Variants in FBXO11 observed in about 807,000 individuals in gnomAD.
The protein encoded by FBXO11 is F-box protein 11.
A neutral mutation model predicts 117.0 loss-of-function variants in FBXO11; 13 were observed. The ratio of observed to expected loss-of-function variants is 0.11; its 90% CI spans 0.07 to 0.18. The LOEUF (loss-of-function observed/expected upper bound fraction) is 0.18. Ranked by LOEUF, FBXO11 falls within the 10% of genes least tolerant of loss-of-function variation. The probability of loss-of-function intolerance (pLI) is 1.00; values close to 1 mark genes in which losing one functional copy is unlikely to be tolerated. For synonymous variants in FBXO11, 490 were observed against 380.5 expected (o/e 1.29, Z -3.35); for missense variants, 767 against 1,164.4 (o/e 0.66, Z 4.97).
At position 47,859,914 on chromosome 2, in the gene FBXO11, C is replaced by T. The variant is rs1389306516; in HGVS notation, c.233-20145G>A. 2.0e-5 allele frequency among the ~76,000 whole-genome samples: 3 copies of T among 152,098 alleles called. No homozygotes were observed. In the East Asian group the frequency reaches 5.8e-4, roughly 29 times the overall value. ...AAGCTATTTTCTAGAATAAGTTATC[C>T]TAAATGCTTAGTTTGAGATTCTCAT... On this transcript the variant is annotated intron_variant, in intron 1 of 22. Transcript: ENST00000403359.
chr2:47,866,514 G>A lies in FBXO11; in HGVS notation c.233-26745C>T, dbSNP rs547527865. ...TTTTGAGACGGAGTCTTGCTCTGTC[G>A]CCAGGCTGGAGTACAGTGGCGTGAT... On this transcript the variant is annotated intron_variant, in intron 1 of 22. Transcript: ENST00000403359. 5.4e-5 allele frequency among the ~76,000 whole-genome samples: 8 copies of A among 149,284 alleles called. No homozygotes were observed. In the South Asian group the frequency reaches 1.1e-3, roughly 20 times the overall value.
At chr2:47,875,228 G>T (rs1049071000) in intron 1 of FBXO11, among the ~76,000 whole-genome samples, 1 of 151,962 alleles carries the variant, frequency 6.6e-6, no homozygotes, top group Admixed American at 6.6e-5. Flanking sequence ...CCTTAAAAGT[G>T]TGATGAGGAA....
chr2:47,902,594 C>A (rs752090753), intron 1 of FBXO11, among the ~76,000 whole-genome samples: 1 of 151,924 alleles, frequency 6.6e-6, no homozygotes, highest in Non-Finnish European at 1.5e-5. Flanking sequence ...CACATACACA[C>A]GTGTGTATGT....
chr2:47,830,573 G>T (rs916005917), intron 11 of FBXO11, among the ~76,000 whole-genome samples: 11 of 152,240 alleles, frequency 7.2e-5, no homozygotes, highest in Non-Finnish European at 1.2e-4. Context: ...TGATGGGGTG[G>T]AGATAGATTG....
chr2:47,901,551 A>T (rs1678303292), intron 1 of FBXO11, among the ~76,000 whole-genome samples: 1 of 152,142 alleles, frequency 6.6e-6, no homozygotes, highest in South Asian at 2.1e-4. Flanking sequence ...GGGACTTCTG[A>T]ATTTTAAACT....
chr2:47,898,615 T>G (rs1269796023), intron 1 of FBXO11, among the ~76,000 whole-genome samples: 3 of 152,194 alleles, frequency 2.0e-5, no homozygotes, highest in Non-Finnish European at 2.9e-5. Flanking sequence ...GGTCAATCAG[T>G]AGAGTCTCAT....
At chr2:47,890,485 G>C (rs1043780747) in intron 1 of FBXO11, among the ~76,000 whole-genome samples, 1 of 152,056 alleles carries the variant, frequency 6.6e-6, no homozygotes, top group South Asian at 2.1e-4. Flanking sequence ...CAATCAAGTA[G>C]TATGAGTTCA....
intron 16 of FBXO11, 80 bp downstream of exon 16, chr2:47,818,699 A>C: frequency 1.1e-6 from 1 of 903,612 alleles, no homozygotes; most frequent in South Asian, 1.7e-5. Context: ...TTGGGCATTA[A>C]ACAATAAGCA....
chr2:47,851,321 G>C (rs962731871), intron 1 of FBXO11, among the ~76,000 whole-genome samples: 24 of 152,208 alleles, frequency 1.6e-4, no homozygotes, highest in African/African-American at 5.8e-4. Flanking sequence ...CTGCCTGCCA[G>C]GTTCAAGCGA....
At chr2:47,879,994 GAGA>G (rs560664743) in intron 1 of FBXO11, among the ~76,000 whole-genome samples, 2 of 151,446 alleles carry the variant, frequency 1.3e-5, no homozygotes, top group East Asian at 3.9e-4. Flanking sequence ...TATCCATTCA[GAGA>G]AGGTTTTTTT....
At chr2:47,823,985 AC>A (rs1229537545) in intron 11 of FBXO11, among the ~76,000 whole-genome samples, 1 of 152,102 alleles carries the variant, frequency 6.6e-6, no homozygotes, top group Non-Finnish European at 1.5e-5. Context: ...AAAGGCACAC[AC>A]CACCATGCCT....
chr2:47,904,548 C>T (rs1393905584), intron 1 of FBXO11, among the ~76,000 whole-genome samples: 1 of 151,730 alleles, frequency 6.6e-6, no homozygotes, highest in Non-Finnish European at 1.5e-5. Flanking sequence ...TTCACTAGGC[C>T]TTGGACACAA....
At chr2:47,886,106 G>A (rs1221503225) in intron 1 of FBXO11, among the ~76,000 whole-genome samples, 3 of 150,780 alleles carry the variant, frequency 2.0e-5, no homozygotes, top group Admixed American at 6.6e-5. Context: ...ATATCCCTCC[G>A]AATCATCAAA....
intron 1 of FBXO11, among the ~76,000 whole-genome samples, chr2:47,887,485 T>C (rs1676948910): frequency 6.6e-6 from 1 of 152,104 alleles, no homozygotes. Flanking sequence ...CCCAGCACTT[T>C]GTGAGGCTGA....
rs996696086 is a variant in FBXO11 at position 47,826,284 on chromosome 2, C to A, written c.1399-2924G>T. On this transcript the variant is annotated intron_variant, in intron 11 of 22. Coordinates refer to ENST00000403359, the MANE Select transcript of FBXO11 (RefSeq NM_001190274.2). ...ATGTCAGCCAGGATGGTCTCGATCT[C>A]CTAACCTCGTGATCCACCCGCCTCG... Among the ~76,000 whole-genome samples, 11 of 152,018 alleles carry A rather than the reference C, an allele frequency of 7.2e-5. No homozygotes were observed. In the East Asian group the frequency reaches 2.1e-3, roughly 29 times the overall value.
chr2:47,896,491 C>G lies in FBXO11; in HGVS notation c.232+8998G>C, dbSNP rs116793093. 3.6e-3 allele frequency among the ~76,000 whole-genome samples: 551 copies of G among 152,192 alleles called. 4 individuals carry two copies. Among genetic ancestry groups the G allele is most frequent in the African/African-American group, 0.012 (517 of 41,532 alleles). On this transcript the variant is annotated intron_variant, in intron 1 of 22. Transcript: ENST00000403359. Reference sequence around the variant, plus strand: ...ACTACAGGCATGGGCCACCACCCCACAGCTAACTTTGTATTTTCTGTAGAG... The same window carrying G: ...ACTACAGGCATGGGCCACCACCCCAGAGCTAACTTTGTATTTTCTGTAGAG...
chr2:47,885,152 G>C (rs1200461171), intron 1 of FBXO11, among the ~76,000 whole-genome samples: 1 of 152,156 alleles, frequency 6.6e-6, no homozygotes, highest in East Asian at 1.9e-4. Flanking sequence ...AAACACCTGA[G>C]GCTGAGATAT....
intron 1 of FBXO11, among the ~76,000 whole-genome samples, chr2:47,841,509 G>C (rs1317501880): frequency 6.6e-6 from 1 of 152,054 alleles, no homozygotes; most frequent in African/African-American, 2.4e-5. Flanking sequence ...ACCTGAATCC[G>C]ATCAAACCTG....
chr2:47,840,036 T>C (rs903253133), intron 1 of FBXO11, among the ~76,000 whole-genome samples: 2 of 151,890 alleles, frequency 1.3e-5, no homozygotes, highest in African/African-American at 2.4e-5. Flanking sequence ...CTCCGCCTCC[T>C]GGGTTCACGC....
Sources: gnomAD v4.1 joint callset for allele counts (sites outside exome capture counted in the v4.1 genomes callset) on GRCh38, gnomAD v4.1.1 for gene constraint, MANE v1.5 for transcripts, NCBI Gene and HGNC (gene_info 2026-07-23, HGNC 2026-07-21) for gene names.